Variants in PHIP observed in about 807,000 individuals in gnomAD.
PHIP encodes the protein PHIP subunit of CUL4-Ring ligase complex.
A neutral mutation model predicts 236.8 loss-of-function variants in PHIP; 54 were observed. The observed-to-expected ratio is 0.23, with a 90% CI of 0.18 to 0.29. The LOEUF (loss-of-function observed/expected upper bound fraction) is 0.29. PHIP is among the 10% of genes least tolerant of loss of function. PHIP has a pLI of 1.00. For synonymous variants in PHIP, 756 were observed against 718.9 expected, an observed-to-expected ratio of 1.05 and a Z score of -0.83; for missense variants, 1,370 against 2,190.8, an observed-to-expected ratio of 0.63 and a Z score of 7.48.
intron 7 of PHIP, among the ~76,000 whole-genome samples, chr6:79,027,743 A>C (rs1771479575): frequency 6.6e-6 from 1 of 152,184 alleles, no homozygotes; most frequent in South Asian, 2.1e-4. Context: ...TGAGAGATGC[A>C]GAGGTACGGG....
chr6:78,989,518 C>T (rs778704472), intron 20 of PHIP, among the ~76,000 whole-genome samples: 18 of 152,046 alleles, frequency 1.2e-4, no homozygotes, highest in African/African-American at 2.4e-4. Flanking sequence ...TCCTTGAAAT[C>T]GAAAATAACC....
At chr6:79,076,564 C>T (rs1397381494) in intron 4 of PHIP, among the ~76,000 whole-genome samples, 1 of 152,066 alleles carries the variant, frequency 6.6e-6, no homozygotes, top group African/African-American at 2.4e-5. Context: ...TTTAAAGATT[C>T]CTAAAATACT....
rs1770801002 is a variant in PHIP, at chr6:79,015,657, G to A, written c.1362C>T (p.Tyr454=). The change falls in exon 14 of 40, where the codon TAC becomes TAT. Residue 454 remains tyrosine, a synonymous_variant. Transcript: ENST00000275034. ...NNMTLKVWNS[Y]TGQLIHVLMG... Reference sequence around the variant, plus strand: ...TCAGGACATGAATTAGTTGACCAGTGTAAGAATTCCAAACTTTCAGAGTCA... The same window carrying A: ...TCAGGACATGAATTAGTTGACCAGTATAAGAATTCCAAACTTTCAGAGTCA... 6.2e-7 allele frequency: 1 copy of A among 1,607,380 alleles called. No individual in the cohort carries two copies. The highest frequency in any genetic ancestry group is 1.3e-5 in the African/African-American group (1 of 74,736).
In PHIP at chr6:79,002,120, G is replaced by T. The variant is rs756663204; in HGVS notation, c.1658C>A (p.Ala553Glu). ...FGSSSKYDKI[A>E]DQMFFHSDYR... ...ATCACTATGAAAGAACATCTGATCT[G>T]CTATCTGCAAAAAGAAAAGTCCATA... The change falls in exon 17 of 40, where the codon GCA becomes GAA. Residue 553 changes from alanine to glutamate, a missense_variant. Transcript: ENST00000275034. The T allele has an allele frequency of 1.9e-6, 3 of 1,604,776 alleles. No homozygotes were observed.
chr6:79,042,483 A>G (rs915321231), intron 7 of PHIP, among the ~76,000 whole-genome samples: 3 of 152,100 alleles, frequency 2.0e-5, no homozygotes, highest in Non-Finnish European at 4.4e-5. Context: ...ACAATTATAA[A>G]AAGGCACATT....
At position 78,954,768 on chromosome 6, in the gene PHIP, A is replaced by T. The variant is rs762828996; in HGVS notation, c.4053+46T>A. On this transcript the variant is annotated intron_variant, in intron 35 of 39. Transcript: ENST00000275034. ...AATAGCCAACTGTCATGTAAAAGGT[A>T]TGTAGCAAACTGACAGGTAAAGAAA... 36 of 1,231,760 alleles carry T rather than the reference A, an allele frequency of 2.9e-5. 1 individual carries two copies. The South Asian group carries it at 4.9e-4, about 17-fold the overall frequency. 76.3% of individuals were successfully genotyped at this position (1,231,760 alleles called of 1,614,324 possible).
rs185385846 is a variant in PHIP, at chr6:78,977,521, A to T, written c.2889+1071T>A. 6.9e-4 allele frequency among the ~76,000 whole-genome samples: 105 copies of T among 152,238 alleles called. 1 individual carries two copies. The South Asian group carries it at 8.5e-3, about 12-fold the overall frequency. ...ACACATGTACCCTAAAACTTAAATT[A>T]AAAAAATACCATTATTGCTCCAGTT... is the stretch of plus-strand genomic sequence containing the variant. On this transcript the variant is annotated intron_variant, in intron 24 of 39. Transcript: ENST00000275034.
At chr6:79,025,387 C>A (rs1426917233) in intron 9 of PHIP, 132 bp downstream of exon 9, 1 of 577,968 alleles carries the variant, frequency 1.7e-6, no homozygotes, top group Non-Finnish European at 3.1e-6. Flanking sequence ...TAGTAAAGAG[C>A]CAAAAGAGGA....
rs575658007 is a variant in PHIP at position 78,985,375 on chromosome 6, T to G, written c.2514A>C (p.Ala838=). ...SGGTSEEEER[A]WHSDGSSSDY... ...ACCTAGAACTGCCATCACTGTGCCA[T>G]GCTCTCTCTTCTTCTTCGGATGTTC... Residue 838 remains alanine, a synonymous_variant, in exon 22 of 40, where the codon GCA becomes GCC. Coordinates refer to ENST00000275034, the MANE Select transcript of PHIP (RefSeq NM_017934.7). 1 of 1,598,690 alleles carries G rather than the reference T, an allele frequency of 6.3e-7. No homozygotes were observed. The highest frequency in any genetic ancestry group is 1.3e-5 in the African/African-American group (1 of 74,742).
chr6:79,010,851 T>G (rs1770538278), intron 15 of PHIP, among the ~76,000 whole-genome samples: 1 of 151,928 alleles, frequency 6.6e-6, no homozygotes, highest in South Asian at 2.1e-4. Flanking sequence ...AATATTCATT[T>G]AGTTAAACTC....
Position 79,042,166 on chromosome 6 carries a change from T to C in PHIP, c.600+677A>G, listed in dbSNP as rs1244988488. On this transcript the variant is annotated intron_variant, in intron 7 of 39. Transcript: ENST00000275034. Reference sequence around the variant, plus strand: ...TATTATGCTTAATGAATGTAGATGTTAAGGCACCTGAAAATCAAATATTTC... The same window carrying C: ...TATTATGCTTAATGAATGTAGATGTCAAGGCACCTGAAAATCAAATATTTC... Among the ~76,000 whole-genome samples the C allele has an allele frequency of 2.0e-5, 3 of 152,012 alleles. No individual in the cohort carries two copies. The East Asian group carries it at 5.8e-4, about 29-fold the overall frequency.
intron 6 of PHIP, among the ~76,000 whole-genome samples, chr6:79,046,361 A>G (rs1442837577): frequency 6.6e-6 from 1 of 152,086 alleles, no homozygotes; most frequent in African/African-American, 2.4e-5. Context: ...CCCTGCCATC[A>G]CCCATAACTT....
At chr6:78,956,053 A>G (rs988434990) in intron 32 of PHIP, 1 of 154,642 alleles carries the variant, frequency 6.5e-6, no homozygotes, top group Non-Finnish European at 1.4e-5. Context: ...GCATCTTGAC[A>G]CTGTACCTTT....
chr6:79,071,889 G>A (rs904621580), intron 4 of PHIP, among the ~76,000 whole-genome samples: 3 of 151,506 alleles, frequency 2.0e-5, no homozygotes, highest in African/African-American at 7.3e-5. Context: ...AGCTGAAGCT[G>A]CATTAGACTA....
chr6:79,014,779 C>T (rs2127740282), intron 15 of PHIP, among the ~76,000 whole-genome samples: 1 of 151,806 alleles, frequency 6.6e-6, no homozygotes, highest in South Asian at 2.1e-4. Flanking sequence ...ACATGGTTTT[C>T]CAAGTATTTT....
chr6:79,026,156 A>G lies in PHIP; in HGVS notation c.609T>C (p.Asp203=). 6.2e-7 allele frequency: 1 copy of G among 1,611,238 alleles called. No homozygotes were observed. The highest frequency in any genetic ancestry group is 8.5e-7 in the Non-Finnish European group (1 of 1,177,398). Residue 203 remains aspartate (D), a synonymous_variant, in exon 8 of 40, where the codon GAT becomes GAC. Transcript: ENST00000275034. ...TTGCCCATATTTTCACAAGACAGTC[A>G]TCAGAACCCTTAAAGTAAGAATGGA... ...RTGRRIFTGS[D]DCLVKIWATD...
chr6:79,057,935 T>A (rs1773156001), intron 6 of PHIP, among the ~76,000 whole-genome samples: 1 of 152,232 alleles, frequency 6.6e-6, no homozygotes, highest in East Asian at 1.9e-4. Flanking sequence ...TGGTGAACTC[T>A]AGCAAAACAC....
chr6:79,012,261 T>C (rs1456906319), intron 15 of PHIP, among the ~76,000 whole-genome samples: 1 of 151,790 alleles, frequency 6.6e-6, no homozygotes, highest in Non-Finnish European at 1.5e-5. Context: ...TCTTAAAATA[T>C]ACTTGATAAA....
intron 32 of PHIP, chr6:78,955,992 C>T (rs1288098896): frequency 5.4e-6 from 1 of 185,814 alleles, no homozygotes; most frequent in Admixed American, 6.1e-5. Context: ...TTCTTGTCTT[C>T]CAACTCTTTC....
Sources: gnomAD v4.1 joint callset for allele counts (sites outside exome capture counted in the v4.1 genomes callset) on GRCh38, gnomAD v4.1.1 for gene constraint, MANE v1.5 for transcripts, NCBI Gene and HGNC (gene_info 2026-07-23, HGNC 2026-07-21) for gene names.